The following KIF24 variants were observed in gnomAD, a reference collection of about 807,000 sequenced individuals.
KIF24 encodes the protein kinesin-like protein KIF24.
KIF24 carries 81 observed loss-of-function variants against 118.9 expected under a neutral mutation model. That is an observed-to-expected ratio of 0.68 (90% CI 0.57 to 0.82). KIF24 has a LOEUF of 0.82. Ranked by LOEUF, KIF24 falls within the 40% of genes least tolerant of loss-of-function variation. KIF24 has a pLI of 0.00. For synonymous variants in KIF24, 599 were observed against 610.0 expected (o/e 0.98, Z 0.27); for missense variants, 1,560 against 1,661.6 (o/e 0.94, Z 1.06).
intron 6 of KIF24, among the ~76,000 whole-genome samples, chr9:34,276,027 C>CAGT (rs1312935521): frequency 6.6e-6 from 1 of 152,154 alleles, no homozygotes; most frequent in African/African-American, 2.4e-5. Context: ...ATTCCACATC[C>CAGT]AGTACATCTG....
rs1190488446 is a variant in KIF24 at position 34,257,838 on chromosome 9, A to G, written c.1769T>C (p.Leu590Pro). Reference protein sequence around the residue: ...EDKCSPKKVKLGFQQSLTVAA... With the variant: ...EDKCSPKKVKPGFQQSLTVAA... ...CACTGTGAGTGACTGCTGAAATCCC[A>G]GCTTGACTTTTTTGGGAGAACATTT... The change falls in exon 11 of 13, where the codon CTG (leucine) becomes CCG (proline). Residue 590 changes from leucine (L) to proline (P), a missense_variant. Coordinates refer to ENST00000402558, the MANE Select transcript of KIF24 (RefSeq NM_194313.4). 1 of 1,614,024 alleles carries G rather than the reference A, an allele frequency of 6.2e-7. No individual in the cohort carries two copies. Among genetic ancestry groups the G allele is most frequent in the Non-Finnish European group, 8.5e-7 (1 of 1,179,890 alleles).
At position 34,296,782 on chromosome 9, in the gene KIF24, G is replaced by C. The variant is rs538137367; in HGVS notation, c.911+235C>G. Among the ~76,000 whole-genome samples, 6 of 150,994 alleles carry C rather than the reference G, an allele frequency of 4.0e-5. No individual in the cohort carries two copies. In the East Asian group the frequency reaches 1.2e-3, roughly 29 times the overall value. On this transcript the variant is annotated intron_variant, in intron 4 of 12. Coordinates refer to ENST00000402558, the MANE Select transcript of KIF24 (RefSeq NM_194313.4). Reference sequence around the variant, plus strand: ...TCTATCACAATATATTTTTCCACTAGACACAGAGAAATAATATCATCAATG... The same window carrying C: ...TCTATCACAATATATTTTTCCACTACACACAGAGAAATAATATCATCAATG...
intron 6 of KIF24, among the ~76,000 whole-genome samples, chr9:34,278,060 G>A (rs528822798): frequency 2.0e-5 from 3 of 152,248 alleles, no homozygotes; most frequent in Admixed American, 6.5e-5. Context: ...GGTCACCTGA[G>A]GTCAGGAGTT....
chr9:34,331,640 C>G (rs1416123914), upstream of KIF24, among the ~76,000 whole-genome samples: 1 of 152,108 alleles, frequency 6.6e-6, no homozygotes, highest in East Asian at 1.9e-4. Flanking sequence ...AGAAAATTTT[C>G]ACCGTGGTCT....
chr9:34,276,415 A>C (rs1296400796), intron 6 of KIF24, among the ~76,000 whole-genome samples: 1 of 151,718 alleles, frequency 6.6e-6, no homozygotes, highest in Non-Finnish European at 1.5e-5. Context: ...AAAAAAAAAA[A>C]AAAAAAGAAT....
intron 3 of KIF24, among the ~76,000 whole-genome samples, chr9:34,301,604 G>C (rs938168850): frequency 2.6e-5 from 4 of 152,148 alleles, no homozygotes; most frequent in Non-Finnish European, 5.9e-5. Context: ...GAAAGGCTGA[G>C]GAGGGTGGAT....
chr9:34,320,036 A>C (rs962846533), intron 1 of KIF24, among the ~76,000 whole-genome samples: 1 of 151,908 alleles, frequency 6.6e-6, no homozygotes, highest in Admixed American at 6.6e-5. Flanking sequence ...CTGACACTAA[A>C]CCACCTCAGC....
At chr9:34,321,522 G>A (rs1837520330) in intron 1 of KIF24, among the ~76,000 whole-genome samples, 1 of 143,590 alleles carries the variant, frequency 7.0e-6, no homozygotes, top group Non-Finnish European at 1.5e-5. Flanking sequence ...CACCCACTAA[G>A]TGTCTGGAAC....
intron 1 of KIF24, among the ~76,000 whole-genome samples, chr9:34,315,506 G>C (rs758774853): frequency 6.6e-6 from 1 of 152,122 alleles, no homozygotes; most frequent in Non-Finnish European, 1.5e-5. Context: ...CTCCTGCAGA[G>C]TTTTGATGAT....
intron 1 of KIF24, among the ~76,000 whole-genome samples, chr9:34,324,412 A>G (rs1047579383): frequency 5.3e-5 from 8 of 152,160 alleles, no homozygotes; most frequent in Non-Finnish European, 1.2e-4. Context: ...TCCCAAAACT[A>G]ATCAATAGAT....
At chr9:34,258,447 G>A (rs1451865315) in intron 10 of KIF24, among the ~76,000 whole-genome samples, 4 of 152,198 alleles carry the variant, frequency 2.6e-5, no homozygotes, top group Admixed American at 1.3e-4. Context: ...TCCAGCCTGG[G>A]TGACAGGGTG....
At chr9:34,280,153 G>A (rs1251507404) in intron 6 of KIF24, among the ~76,000 whole-genome samples, 23 of 150,362 alleles carry the variant, frequency 1.5e-4, no homozygotes, top group East Asian at 9.8e-4. Context: ...GCGTAGTGGC[G>A]GGCGCCTGTA....
intron 7 of KIF24, among the ~76,000 whole-genome samples, chr9:34,270,978 C>A (rs916732272): frequency 2.0e-5 from 3 of 151,214 alleles, no homozygotes; most frequent in Admixed American, 2.0e-4. Context: ...ACCTGTAGTC[C>A]CAGCTACTCA....
At position 34,311,101 on chromosome 9, in the gene KIF24, G is replaced by T. The variant is rs775280822; in HGVS notation, c.246C>A (p.Ser82Arg). The change falls in exon 2 of 13, where the codon AGC becomes AGA. Residue 82 changes from serine to arginine, a missense_variant. By Grantham distance (110) the Ser-to-Arg change is moderately radical. This residue lies in a region of KIF24 where 964 missense variants were observed against 988.0 expected (regional missense o/e 0.98). Transcript: ENST00000402558. Reference protein sequence around the residue: ...SIPERHLQTSSLRIKSQELRS... With the variant: ...SIPERHLQTSRLRIKSQELRS... ...TTAATTCCTGAGATTTGATGCGCAG[G>T]CTGCTTGTCTGAAGATGACGCTCTG... 3 of 1,613,712 alleles carry T rather than the reference G, an allele frequency of 1.9e-6. No individual in the cohort carries two copies. Among genetic ancestry groups the T allele is most frequent in the Non-Finnish European group, 2.5e-6 (3 of 1,179,688 alleles).
Position 34,271,842 on chromosome 9 carries a change from T to C in KIF24, c.1304A>G (p.Gln435Arg), listed in dbSNP as rs1471181330. Residue 435 changes from glutamine (Q) to arginine (R), a missense_variant, in exon 7 of 13, where the codon CAG becomes CGG. Transcript: ENST00000402558. ...SSRSHAVIQI[Q>R]IKDSAKRTFG... ...TGTCCTCTTGGCTGAATCTTTGATC[T>C]GAATTTGGATGACGGCATGGGAGCG... 1.9e-6 allele frequency: 3 copies of C among 1,612,630 alleles called. No homozygotes were observed. Among genetic ancestry groups the C allele is most frequent in the Non-Finnish European group, 2.5e-6 (3 of 1,179,300 alleles).
chr9:34,285,644 G>A (rs1274138858), intron 6 of KIF24, among the ~76,000 whole-genome samples: 7 of 151,684 alleles, frequency 4.6e-5, no homozygotes, highest in East Asian at 1.9e-4. Context: ...GCGTGGTGGC[G>A]GGTGCCTGTA....
intron 1 of KIF24, chr9:34,319,669 A>G: frequency 1.4e-5 from 11 of 798,380 alleles, no homozygotes; most frequent in Non-Finnish European, 2.2e-6. Context: ...CTCAGGGTGC[A>G]CACAGGATGG....
intron 9 of KIF24, among the ~76,000 whole-genome samples, chr9:34,260,433 TAA>T (rs1189141686): frequency 6.6e-6 from 1 of 152,142 alleles, no homozygotes; most frequent in East Asian, 1.9e-4. Flanking sequence ...GAAAGATATC[TAA>T]AGCTTCTATC....
chr9:34,325,718 G>T (rs1837652178), intron 1 of KIF24, among the ~76,000 whole-genome samples: 1 of 152,018 alleles, frequency 6.6e-6, no homozygotes, highest in Admixed American at 6.6e-5. Context: ...ATAAATAAAA[G>T]AGTGATTGGA....
Sources: gnomAD v4.1 joint callset for allele counts (sites outside exome capture counted in the v4.1 genomes callset) on GRCh38, gnomAD v4.1.1 for gene constraint, gnomAD v4.1.1 regional missense constraint, MANE v1.5 for transcripts, NCBI Gene and HGNC (gene_info 2026-07-23, HGNC 2026-07-21) for gene names.